Variants in SOX5 observed in about 807,000 individuals in gnomAD.
The protein encoded by SOX5 is transcription factor SOX-5.
In SOX5, 9 loss-of-function variants were observed where a neutral mutation model predicts 92.0. The ratio of observed to expected loss-of-function variants is 0.10; its 90% CI spans 0.06 to 0.17. The LOEUF (loss-of-function observed/expected upper bound fraction) is 0.17, where lower values mean the gene tolerates loss of function less well. Among genes scored for constraint, SOX5 ranks in the 10% least tolerant of loss-of-function variants. The pLI is 1.00. For synonymous variants in SOX5, 344 were observed against 336.3 expected (o/e 1.02, Z -0.25); for missense variants, 642 against 944.5 (o/e 0.68, Z 4.20).
At chr12:23,828,752 T>TC (rs1491215729) in intron 3 of SOX5, among the ~76,000 whole-genome samples, 3 of 131,024 alleles carry the variant, frequency 2.3e-5, no homozygotes, top group Admixed American at 1.6e-4. Context: ...ATTCAGGACA[T>TC]CAAAAAAAAA....
At chr12:23,703,337 T>C (rs180864225) in intron 6 of SOX5, among the ~76,000 whole-genome samples, 56 of 152,152 alleles carry the variant, frequency 3.7e-4, no homozygotes, top group African/African-American at 1.3e-3. Flanking sequence ...AGCTAGAATC[T>C]GTTAATAACC....
intron 4 of SOX5, among the ~76,000 whole-genome samples, chr12:24,153,218 C>A (rs774660810): frequency 9.9e-5 from 15 of 152,076 alleles, no homozygotes; most frequent in Non-Finnish European, 1.9e-4. Flanking sequence ...AGAGACGAAT[C>A]CTATTTAAAC....
chr12:23,935,652 A>G (rs1373835409), intron 1 of SOX5, among the ~76,000 whole-genome samples: 1 of 151,110 alleles, frequency 6.6e-6, no homozygotes, highest in Non-Finnish European at 1.5e-5. Flanking sequence ...GATATCCACC[A>G]TCCAGCATAT....
chr12:23,961,057 T>C (rs747581299), intron 4 of SOX5, among the ~76,000 whole-genome samples: 28 of 152,332 alleles, frequency 1.8e-4, no homozygotes, highest in South Asian at 1.2e-3. Context: ...CAACTATACA[T>C]AATGTTCTTC....
intron 2 of SOX5, among the ~76,000 whole-genome samples, chr12:24,278,547 C>T (rs1944772200): frequency 6.6e-6 from 1 of 151,896 alleles, no homozygotes; most frequent in Admixed American, 6.6e-5. Flanking sequence ...TCCAGCTCTA[C>T]AAAAAATTTA....
At chr12:23,685,634 C>G (rs1047017351) in intron 6 of SOX5, among the ~76,000 whole-genome samples, 1 of 146,802 alleles carries the variant, frequency 6.8e-6, no homozygotes, top group African/African-American at 2.5e-5. Context: ...TTTGTCCCCC[C>G]CCCCAAAAAT....
intron 3 of SOX5, among the ~76,000 whole-genome samples, chr12:24,228,119 T>A (rs1047086016): frequency 6.6e-6 from 1 of 152,162 alleles, no homozygotes; most frequent in African/African-American, 2.4e-5. Context: ...CAGAGAGAGC[T>A]CTAGATTTCC....
In SOX5 at chr12:24,111,038, G is replaced by T. The variant is rs116567242; in HGVS notation, c.-2+102305C>A. Among the ~76,000 whole-genome samples the T allele has an allele frequency of 1.8e-3, 279 of 151,806 alleles. 4 individuals carry two copies. Among genetic ancestry groups the T allele is most frequent in the African/African-American group, 6.2e-3 (258 of 41,384 alleles). On this transcript the variant is annotated intron_variant, in intron 4 of 4. Transcript: ENST00000446891. ...TTTGGGTCCAACATGTCTTTACTGT[G>T]GGAGACTGTGATATGCATTGTAGGG...
At chr12:24,020,708 G>A (rs929033922) in intron 4 of SOX5, among the ~76,000 whole-genome samples, 4 of 152,124 alleles carry the variant, frequency 2.6e-5, no homozygotes, top group African/African-American at 9.7e-5. Flanking sequence ...CCAGACAAAG[G>A]TCAAATCACA....
intron 4 of SOX5, among the ~76,000 whole-genome samples, chr12:23,980,901 G>T (rs574406543): frequency 6.6e-6 from 1 of 152,286 alleles, no homozygotes; most frequent in African/African-American, 2.4e-5. Context: ...TGCGTCCCCA[G>T]CATGTAATAT....
At chr12:24,554,389 G>A (rs1364969998) in intron 1 of SOX5, among the ~76,000 whole-genome samples, 1 of 152,140 alleles carries the variant, frequency 6.6e-6, no homozygotes, top group Non-Finnish European at 1.5e-5. Context: ...ACAAACGTAA[G>A]TTTGTCAGTC....
chr12:24,367,222 A>G (rs1956264999), intron 2 of SOX5, among the ~76,000 whole-genome samples: 1 of 152,180 alleles, frequency 6.6e-6, no homozygotes, highest in South Asian at 2.1e-4. Context: ...AAATGCCAAG[A>G]GTGAGTATTT....
At chr12:24,088,789 T>C (rs1484581595) in intron 4 of SOX5, among the ~76,000 whole-genome samples, 2 of 152,076 alleles carry the variant, frequency 1.3e-5, no homozygotes, top group Admixed American at 6.6e-5. Flanking sequence ...TATACAATCC[T>C]ACTGATAACA....
At chr12:24,284,401 G>A (rs1945580811) in intron 2 of SOX5, among the ~76,000 whole-genome samples, 1 of 145,974 alleles carries the variant, frequency 6.9e-6, no homozygotes, top group South Asian at 2.4e-4. Context: ...GGAGGTGTAA[G>A]GAGAATGTGG....
intron 3 of SOX5, among the ~76,000 whole-genome samples, chr12:23,835,466 T>A (rs1308488557): frequency 1.3e-5 from 2 of 151,784 alleles, no homozygotes; most frequent in African/African-American, 4.8e-5. Context: ...AATATTTAAT[T>A]CCTATTATTC....
At chr12:23,996,944 A>G (rs1032671077) in intron 4 of SOX5, among the ~76,000 whole-genome samples, 1 of 152,186 alleles carries the variant, frequency 6.6e-6, no homozygotes, top group Non-Finnish European at 1.5e-5. Context: ...TGAATTGTAC[A>G]CTTTAAAATG....
At chr12:23,955,967 G>C (rs1409633394), upstream of SOX5, among the ~76,000 whole-genome samples, 5 of 152,146 alleles carry the variant, frequency 3.3e-5, no homozygotes, top group Non-Finnish European at 7.4e-5. Flanking sequence ...TAACATTCTT[G>C]TTAGGTAATG....
chr12:23,633,336 C>T (rs771796583), intron 8 of SOX5, among the ~76,000 whole-genome samples: 1 of 152,066 alleles, frequency 6.6e-6, no homozygotes, highest in Non-Finnish European at 1.5e-5. Flanking sequence ...GAAATAAATG[C>T]TAGATGGATT....
intron 9 of SOX5, among the ~76,000 whole-genome samples, chr12:23,596,034 G>A (rs759627314): frequency 1.3e-5 from 2 of 152,164 alleles, no homozygotes; most frequent in African/African-American, 2.4e-5. Flanking sequence ...CCTTGAGACT[G>A]GGTTATTGTG....
Sources: gnomAD v4.1 joint callset for allele counts (sites outside exome capture counted in the v4.1 genomes callset) on GRCh38, gnomAD v4.1.1 for gene constraint, MANE v1.5 for transcripts, NCBI Gene and HGNC (gene_info 2026-07-23, HGNC 2026-07-21) for gene names.